Variants in GRID1 observed in about 807,000 individuals in gnomAD.
GRID1 encodes the protein glutamate ionotropic receptor delta type subunit 1.
Under a neutral mutation model 98.0 loss-of-function variants are expected in GRID1, and 28 were observed. The observed-to-expected ratio is 0.29, with a 90% CI of 0.21 to 0.39. The LOEUF is 0.39. GRID1 is among the 10% of genes least tolerant of loss of function. GRID1 has a pLI of 1.00. For missense variants in GRID1, 1,111 were observed against 1,340.5 expected (o/e 0.83, Z 2.67); for synonymous variants, 553 against 538.5 (o/e 1.03, Z -0.37).
At chr10:85,934,617 G>C (rs1030394085) in intron 4 of GRID1, among the ~76,000 whole-genome samples, 1 of 152,142 alleles carries the variant, frequency 6.6e-6, no homozygotes, top group Non-Finnish European at 1.5e-5. Flanking sequence ...ATCACTTTCA[G>C]TACAAATATG....
At chr10:85,731,100 G>C (rs1200687875) in intron 8 of GRID1, among the ~76,000 whole-genome samples, 1 of 152,120 alleles carries the variant, frequency 6.6e-6, no homozygotes, top group Admixed American at 6.5e-5. Flanking sequence ...ACTAAGCCCT[G>C]ACTATAAGGC....
rs532216526 is a variant in GRID1 at position 86,303,905 on chromosome 10, T to C, written c.235+60036A>G. Among the ~76,000 whole-genome samples, 8 of 152,380 alleles carry C rather than the reference T, an allele frequency of 5.3e-5. No homozygotes were observed. In the South Asian group the frequency reaches 1.2e-3, roughly 24 times the overall value. On this transcript the variant is annotated intron_variant, in intron 2 of 15. Coordinates refer to ENST00000327946, the MANE Select transcript of GRID1 (RefSeq NM_017551.3). ...CTCCACATGTTATCTCCAGGCTTAA[T>C]TGACCTCACTGCCTCTGACCTTTTA...
intron 14 of GRID1, among the ~76,000 whole-genome samples, chr10:85,619,031 TG>T (rs1286372003): frequency 6.6e-6 from 1 of 152,256 alleles, no homozygotes; most frequent in African/African-American, 2.4e-5. Flanking sequence ...TGCCTCATTT[TG>T]GATTTGGGTG....
intron 2 of GRID1, among the ~76,000 whole-genome samples, chr10:86,342,078 C>G (rs907576413): frequency 6.6e-6 from 1 of 152,120 alleles, no homozygotes; most frequent in South Asian, 2.1e-4. Flanking sequence ...TGTGACCTTC[C>G]GGGCCTCATC....
At chr10:85,959,701 A>G (rs1842241027) in intron 4 of GRID1, among the ~76,000 whole-genome samples, 1 of 152,176 alleles carries the variant, frequency 6.6e-6, no homozygotes, top group South Asian at 2.1e-4. Flanking sequence ...CACTGTGTGT[A>G]TCACCAGATT....
intron 7 of GRID1, among the ~76,000 whole-genome samples, chr10:85,855,806 T>C (rs570838779): frequency 4.7e-4 from 72 of 152,292 alleles, no homozygotes; most frequent in African/African-American, 1.6e-3. Flanking sequence ...GAAGTTCTTA[T>C]ATTAAATTGA....
chr10:85,813,881 C>A (rs1842694475), intron 8 of GRID1, among the ~76,000 whole-genome samples: 1 of 151,722 alleles, frequency 6.6e-6, no homozygotes, highest in African/African-American at 2.4e-5. Context: ...TAGGGACCTC[C>A]ATGCTAGAAA....
At chr10:85,895,016 A>AAAATATATAT (rs766551035) in intron 5 of GRID1, among the ~76,000 whole-genome samples, 11 of 97,104 alleles carry the variant, frequency 1.1e-4, no homozygotes, top group Non-Finnish European at 2.1e-4. Flanking sequence ...AAAAAAAAAA[A>AAAATATATAT]ATATATATAT....
chr10:85,966,525 G>A (rs1483741667), intron 4 of GRID1, among the ~76,000 whole-genome samples: 1 of 152,120 alleles, frequency 6.6e-6, no homozygotes, highest in Non-Finnish European at 1.5e-5. Flanking sequence ...CATCTAAAGA[G>A]ATATCTGGCC....
chr10:85,678,283 G>A (rs1841168209), intron 12 of GRID1, among the ~76,000 whole-genome samples: 1 of 152,198 alleles, frequency 6.6e-6, no homozygotes, highest in African/African-American at 2.4e-5. Context: ...TGCTTCAGCA[G>A]AGGAGTGATT....
intron 2 of GRID1, among the ~76,000 whole-genome samples, chr10:86,240,014 A>G (rs112926596): frequency 0.051 from 7,837 of 152,240 alleles, 672 homozygotes; most frequent in African/African-American, 0.18. Flanking sequence ...CCATGTGAAG[A>G]CACAGGGAGA....
At position 85,775,416 on chromosome 10, in the gene GRID1, T is replaced by C. The variant is rs578006864; in HGVS notation, c.1234-45802A>G. On this transcript the variant is annotated intron_variant, in intron 8 of 15. Coordinates refer to ENST00000327946, the MANE Select transcript of GRID1 (RefSeq NM_017551.3). ...GGGTGCAGTACACCAGCATGGCACATGTATACATATGTAACTAACCTGCAC... is the reference window on the plus strand; with the variant it reads ...GGGTGCAGTACACCAGCATGGCACACGTATACATATGTAACTAACCTGCAC... Among the ~76,000 whole-genome samples the C allele has an allele frequency of 2.4e-3, 359 of 152,210 alleles. 3 individuals carry two copies. The highest frequency in any genetic ancestry group is 8.4e-3 in the African/African-American group (349 of 41,500).
rs1224499587 is a variant in GRID1 at position 85,865,914 on chromosome 10, T to TATATATATATATATATATAC, written c.951+3095_951+3096insGTATATATATATATATATAT. Reference sequence around the variant, plus strand: ...TAATAAAGTGTTTTACATATATACATATATATATATATATATATATATATA... The same window carrying TATATATATATATATATATAC: ...TAATAAAGTGTTTTACATATATACATATATATATATATATATATACATATATATATATATATATATATATA... On this transcript the variant is annotated intron_variant, in intron 6 of 15. Transcript: ENST00000327946. Among the ~76,000 whole-genome samples, 263 of 37,976 alleles carry TATATATATATATATATATAC rather than the reference T, an allele frequency of 6.9e-3. 4 individuals are homozygous for TATATATATATATATATATAC. Among genetic ancestry groups the TATATATATATATATATATAC allele is most frequent in the East Asian group, 0.024 (18 of 748 alleles). 24.9% of individuals were successfully genotyped at this position (37,976 alleles called of 152,430 possible).
chr10:85,775,649 C>A (rs1204633291), intron 8 of GRID1, among the ~76,000 whole-genome samples: 2 of 152,028 alleles, frequency 1.3e-5, no homozygotes, highest in South Asian at 2.1e-4. Flanking sequence ...CACAATATAA[C>A]CATGTAAGAA....
chr10:85,697,806 C>A (rs1564563106), intron 12 of GRID1, among the ~76,000 whole-genome samples: 2 of 152,122 alleles, frequency 1.3e-5, no homozygotes, highest in Non-Finnish European at 2.9e-5. Context: ...AGAGGCACTG[C>A]TTTCCAAAAA....
At chr10:86,276,901 C>A (rs1847279385) in intron 2 of GRID1, among the ~76,000 whole-genome samples, 1 of 152,062 alleles carries the variant, frequency 6.6e-6, no homozygotes, top group South Asian at 2.1e-4. Flanking sequence ...AGTTCTAAAT[C>A]CAGCAATACT....
At chr10:85,710,615 T>G (rs1841571393) in intron 12 of GRID1, among the ~76,000 whole-genome samples, 1 of 152,072 alleles carries the variant, frequency 6.6e-6, no homozygotes, top group Non-Finnish European at 1.5e-5. Flanking sequence ...TAATCTGGAC[T>G]TCAACAAAAT....
At chr10:85,635,744 TA>T (rs1843032208) in intron 13 of GRID1, among the ~76,000 whole-genome samples, 1 of 151,934 alleles carries the variant, frequency 6.6e-6, no homozygotes, top group Non-Finnish European at 1.5e-5. Flanking sequence ...CACTGTGTGG[TA>T]AGGGGAAAGG....
At chr10:86,221,380 T>C (rs540700140) in intron 2 of GRID1, among the ~76,000 whole-genome samples, 3 of 152,134 alleles carry the variant, frequency 2.0e-5, no homozygotes, top group Admixed American at 6.6e-5. Context: ...GGTTATCAAA[T>C]TGCCTCCCGG....
Sources: gnomAD v4.1 joint callset for allele counts (sites outside exome capture counted in the v4.1 genomes callset) on GRCh38, gnomAD v4.1.1 for gene constraint, MANE v1.5 for transcripts, NCBI Gene and HGNC (gene_info 2026-07-23, HGNC 2026-07-21) for gene names.